The following CRB1 variants were observed in gnomAD, a reference collection of about 807,000 sequenced individuals.
The protein encoded by CRB1 is protein crumbs homolog 1.
CRB1 carries 83 observed loss-of-function variants against 120.0 expected under a neutral mutation model. The observed-to-expected ratio is 0.69, with a 90% CI of 0.58 to 0.83. The LOEUF is 0.83. Among genes scored for constraint, CRB1 ranks in the 40% least tolerant of loss-of-function variants. The pLI is 0.00. For synonymous variants in CRB1, 625 were observed against 612.5 expected (o/e 1.02, Z -0.30); for missense variants, 1,699 against 1,687.6 (o/e 1.01, Z -0.12).
At chr1:197,255,996 T>TATATATATGTATATATATAC in the CRB1 span, among the ~76,000 whole-genome samples, 1 of 116,710 alleles carries the variant, frequency 8.6e-6, no homozygotes, top group Non-Finnish European at 1.7e-5. Context: ...TATATATATA[T>TATATATATGTATATATATAC]ACACTACAAT....
chr1:197,342,712 T>G (rs1481132161), intron 2 of CRB1, among the ~76,000 whole-genome samples: 1 of 152,188 alleles, frequency 6.6e-6, no homozygotes, highest in Non-Finnish European at 1.5e-5. Flanking sequence ...TTCCAGTCAC[T>G]TTTCAAACAT....
intron 5 of CRB1, among the ~76,000 whole-genome samples, chr1:197,360,637 G>A (rs998998291): frequency 3.3e-5 from 5 of 152,134 alleles, no homozygotes; most frequent in African/African-American, 4.8e-5. Flanking sequence ...AAATATGATT[G>A]TTTCTTGGTT....
chr1:197,223,730 A>C, the CRB1 span, among the ~76,000 whole-genome samples: 1 of 152,176 alleles, frequency 6.6e-6, no homozygotes, highest in African/African-American at 2.4e-5. Flanking sequence ...AAAGGTTTTT[A>C]ACTTCGAATA....
intron 1 of CRB1, among the ~76,000 whole-genome samples, chr1:197,269,876 T>C (rs1654812909): frequency 6.6e-6 from 1 of 152,174 alleles, no homozygotes; most frequent in Non-Finnish European, 1.5e-5. Context: ...GTAAGTGATT[T>C]TATTGATAGA....
At chr1:197,411,280 C>T (rs971020483) in intron 5 of CRB1, among the ~76,000 whole-genome samples, 2 of 152,164 alleles carry the variant, frequency 1.3e-5, no homozygotes, top group African/African-American at 4.8e-5. Flanking sequence ...TCGGTCATGA[C>T]AGCCCCAATG....
At chr1:197,384,045 T>G (rs1314502937) in intron 5 of CRB1, among the ~76,000 whole-genome samples, 2 of 152,190 alleles carry the variant, frequency 1.3e-5, no homozygotes, top group East Asian at 3.8e-4. Context: ...TCAGCAGATG[T>G]AATAATTTTA....
At chr1:197,440,501 C>T (rs1424295036) in intron 10 of CRB1, 1 of 152,178 alleles carries the variant, frequency 6.6e-6, no homozygotes, top group Non-Finnish European at 1.5e-5. Flanking sequence ...CCTTAACCAT[C>T]ATTACTTAAT....
chr1:197,323,907 G>T (rs530634734), intron 1 of CRB1, among the ~76,000 whole-genome samples: 1 of 152,184 alleles, frequency 6.6e-6, no homozygotes, highest in South Asian at 2.1e-4. Flanking sequence ...CCTTTGAACC[G>T]GCAGGACCTG....
chr1:197,225,817 C>T, the CRB1 span, among the ~76,000 whole-genome samples: 1 of 152,204 alleles, frequency 6.6e-6, no homozygotes, highest in Non-Finnish European at 1.5e-5. Context: ...TGTATCTAAT[C>T]CTACTAACAA....
At chr1:197,311,228 C>T (rs2184850) in intron 1 of CRB1, among the ~76,000 whole-genome samples, 63,603 of 152,046 alleles carry the variant, frequency 0.42, 15,340 homozygotes, top group East Asian at 0.85. Flanking sequence ...GAAATTCTGC[C>T]ATCTGTGACA....
At chr1:197,404,529 A>G (rs1663242743) in intron 5 of CRB1, among the ~76,000 whole-genome samples, 1 of 151,210 alleles carries the variant, frequency 6.6e-6, no homozygotes, top group African/African-American at 2.4e-5. Flanking sequence ...CTTGTTTCAC[A>G]CTGGTTTTGT....
intron 1 of CRB1, among the ~76,000 whole-genome samples, chr1:197,295,612 A>C (rs1034366084): frequency 9.2e-5 from 14 of 152,040 alleles, no homozygotes; most frequent in African/African-American, 3.4e-4. Flanking sequence ...GGAATGACAC[A>C]ACTCAAGCCT....
intron 5 of CRB1, among the ~76,000 whole-genome samples, chr1:197,392,517 A>C (rs992419830): frequency 3.9e-5 from 6 of 152,134 alleles, no homozygotes; most frequent in African/African-American, 1.4e-4. Context: ...CTGTAAAGAA[A>C]TAGGTTACAC....
intron 7 of CRB1, chr1:197,429,053 G>A: frequency 6.7e-7 from 1 of 1,494,882 alleles, no homozygotes; most frequent in East Asian, 2.5e-5. Flanking sequence ...TTTCGCTTCT[G>A]TGTAGGATCT....
chr1:197,335,385 G>A (rs1659093394), intron 2 of CRB1, among the ~76,000 whole-genome samples: 1 of 152,160 alleles, frequency 6.6e-6, no homozygotes, highest in South Asian at 2.1e-4. Flanking sequence ...CACTGCAGGG[G>A]GCGATAAGCA....
At chr1:197,279,308 T>C (rs1324242764) in intron 1 of CRB1, among the ~76,000 whole-genome samples, 3 of 151,774 alleles carry the variant, frequency 2.0e-5, no homozygotes, top group African/African-American at 7.3e-5. Context: ...AAACACAATA[T>C]TGCAAGGAGC....
chr1:197,368,152 T>C (rs970269012), intron 5 of CRB1, among the ~76,000 whole-genome samples: 5 of 152,188 alleles, frequency 3.3e-5, no homozygotes, highest in African/African-American at 1.2e-4. Flanking sequence ...AAATTTTCAA[T>C]AGAATTTTTT....
intron 5 of CRB1, among the ~76,000 whole-genome samples, chr1:197,418,631 C>T (rs1004458101): frequency 1.4e-4 from 21 of 152,102 alleles, no homozygotes; most frequent in African/African-American, 2.9e-4. Context: ...ACATTTCATA[C>T]GTTTGTCTAA....
intron 7 of CRB1, chr1:197,429,141 C>G: frequency 1.3e-6 from 2 of 1,531,582 alleles, no homozygotes; most frequent in Non-Finnish European, 1.7e-6. Flanking sequence ...ATAATTAGTG[C>G]ATGTGAAAAA....
Sources: allele counts gnomAD v4.1 joint callset (sites outside exome capture counted in the v4.1 genomes callset), GRCh38; gene constraint gnomAD v4.1.1; transcripts MANE v1.5; gene names NCBI Gene and HGNC (gene_info 2026-07-23, HGNC 2026-07-21).